HAPLN3: variants seen among roughly 807,000 people sequenced by gnomAD.
HAPLN3 encodes extracellular link domain containing, 1.
Under a neutral mutation model 28.1 loss-of-function variants are expected in HAPLN3, and 28 were observed. The observed-to-expected ratio is 1.00, with a 90% CI of 0.74 to 1.37. The LOEUF is 1.37. Ranked by LOEUF, HAPLN3 falls within the 40% of genes most tolerant of loss-of-function variation. The pLI is 0.00. For synonymous variants in HAPLN3, 211 were observed against 213.1 expected (o/e 0.99, Z 0.09); for missense variants, 513 against 504.6 (o/e 1.02, Z -0.16).
At chr15:88,894,658 G>C (rs1474151541) in intron 1 of HAPLN3, among the ~76,000 whole-genome samples, 1 of 152,192 alleles carries the variant, frequency 6.6e-6, no homozygotes, top group East Asian at 1.9e-4. Flanking sequence ...CCTACTCCAG[G>C]GAGCACAGGC....
At chr15:88,893,328 G>A (rs1056023727) in intron 1 of HAPLN3, among the ~76,000 whole-genome samples, 4 of 151,742 alleles carry the variant, frequency 2.6e-5, no homozygotes, top group African/African-American at 9.7e-5. Flanking sequence ...TAAGGCAGGA[G>A]AATTGTTTGA....
chr15:88,886,745 A>ATTCTCT (rs1897866816), intron 2 of HAPLN3, among the ~76,000 whole-genome samples: 1 of 152,190 alleles, frequency 6.6e-6, no homozygotes, highest in Non-Finnish European at 1.5e-5. Flanking sequence ...GAATCGCTTG[A>ATTCTCT]ACCCGGGAGG....
At position 88,881,446 on chromosome 15, in the gene HAPLN3, T is replaced by C; in HGVS notation, c.404A>G (p.Asp135Gly). The change falls in exon 3 of 5, where the codon GAT becomes GGT. Residue 135 changes from aspartate (D) to glycine (G), a missense_variant. Transcript: ENST00000359595. The surrounding 1 kb of genome is among the most constrained non-coding windows in gnomAD (Gnocchi z 6.0). ...ACGCCCATAGTCCTCCAGCCGCAGA[T>C]CCTGGATCTCCAGCGAGACGTCATG... is the stretch of plus-strand genomic sequence containing the variant. ...KEHDVSLEIQ[D>G]LRLEDYGRYR... 6.2e-7 allele frequency: 1 copy of C among 1,614,052 alleles called. No homozygotes were observed. The highest frequency in any genetic ancestry group is 8.5e-7 in the Non-Finnish European group (1 of 1,180,036).
rs148940245 is a variant in HAPLN3, at chr15:88,881,627, C to T, written c.223G>A (p.Glu75Lys). 1.1e-5 allele frequency: 17 copies of T among 1,613,888 alleles called. No homozygotes were observed. The highest frequency in any genetic ancestry group is 8.9e-5 in the East Asian group (4 of 44,894). The part of the protein sequence containing the change: ...SVILPCRYRY[E>K]PALVSPRRVR... ...CGCCGCGGGGAGACCAGGGCCGGCT[C>T]GTAGCGGTAGCGGCAGGGCAGGATC... is the stretch of plus-strand genomic sequence containing the variant. The change falls in exon 3 of 5, where the codon GAG becomes AAG. Residue 75 changes from glutamate to lysine, a missense_variant. By Grantham distance (56) the Glu-to-Lys change is moderately conservative. Transcript: ENST00000359595. The surrounding 1 kb of genome is among the most constrained non-coding windows in gnomAD (Gnocchi z 6.0).
In HAPLN3 at chr15:88,878,262, G is replaced by T. The variant is rs745932097; in HGVS notation, c.797-6C>A. The T allele has an allele frequency of 1.2e-6, 2 of 1,607,880 alleles. No homozygotes were observed. Among genetic ancestry groups the T allele is most frequent in the Non-Finnish European group, 1.7e-6 (2 of 1,176,442 alleles). On this transcript the variant is annotated splice_region_variant and splice_polypyrimidine_tract_variant and intron_variant, in intron 4 of 4. Coordinates refer to ENST00000359595, the MANE Select transcript of HAPLN3 (RefSeq NM_178232.4). ...CTCCAGGTAGTACACCCGCCCTGGG[G>T]GAAAGGGGGCGTGAGTGCCGTACAG...
intron 2 of HAPLN3, among the ~76,000 whole-genome samples, chr15:88,886,180 A>G (rs913875543): frequency 6.7e-6 from 1 of 148,456 alleles, no homozygotes; most frequent in Admixed American, 6.7e-5. Flanking sequence ...AGAAACCCCC[A>G]TTTCTACTAA....
In HAPLN3 at chr15:88,895,243, C is replaced by A. The variant is rs529601905; in HGVS notation, c.-48+216G>T. On this transcript the variant is annotated intron_variant, in intron 1 of 4. Transcript: ENST00000359595. The surrounding 1 kb of genome is among the most constrained non-coding windows in gnomAD (Gnocchi z 5.5). ...GGCACGAGGGTCCGGCGCCCGCATC[C>A]CCGCGCCGCTCCCTCCCCACTTGTG... Among the ~76,000 whole-genome samples the A allele has an allele frequency of 6.6e-6, 1 of 152,230 alleles. No homozygotes were observed. Among genetic ancestry groups the A allele is most frequent in the Non-Finnish European group, 1.5e-5 (1 of 67,984 alleles).
chr15:88,893,523 C>G (rs1211521458), intron 1 of HAPLN3, among the ~76,000 whole-genome samples: 3 of 152,118 alleles, frequency 2.0e-5, no homozygotes, highest in Non-Finnish European at 4.4e-5. Context: ...ATTTCAGGCT[C>G]TAGAAGCAGA....
intron 2 of HAPLN3, among the ~76,000 whole-genome samples, chr15:88,884,146 A>G (rs184921767): frequency 6.6e-6 from 1 of 152,320 alleles, no homozygotes; most frequent in East Asian, 1.9e-4. Flanking sequence ...TGGGGGGATT[A>G]TATATGACTT....
At position 88,886,058 on chromosome 15, in the gene HAPLN3, G is replaced by A. The variant is rs1228109497; in HGVS notation, c.124+1117C>T. On this transcript the variant is annotated intron_variant, in intron 2 of 4. Coordinates refer to ENST00000359595, the MANE Select transcript of HAPLN3 (RefSeq NM_178232.4). The stretch of plus-strand genomic sequence containing the variant: ...CCGTGCTGCACTAATGGTTAAAAAT[G>A]TGTATTTTCGGCAAGGCTCGTTGGC... 2.0e-5 allele frequency among the ~76,000 whole-genome samples: 3 copies of A among 152,158 alleles called. No individual in the cohort carries two copies. The East Asian group carries it at 5.8e-4, about 29-fold the overall frequency.
chr15:88,889,522 G>C (rs1426152143), intron 1 of HAPLN3, among the ~76,000 whole-genome samples: 1 of 152,198 alleles, frequency 6.6e-6, no homozygotes, highest in Admixed American at 6.5e-5. Flanking sequence ...TTTTTGTAGA[G>C]ACGGGGTTTC....
chr15:88,886,447 C>T (rs775622653), intron 2 of HAPLN3, among the ~76,000 whole-genome samples: 23 of 152,038 alleles, frequency 1.5e-4, no homozygotes, highest in Non-Finnish European at 1.8e-4. Flanking sequence ...GAAGCGCGCC[C>T]AACCCATGTT....
chr15:88,894,897 C>T (rs776786196), intron 1 of HAPLN3, among the ~76,000 whole-genome samples: 9 of 152,204 alleles, frequency 5.9e-5, no homozygotes, highest in Non-Finnish European at 1.0e-4. Context: ...GCAAGAACCC[C>T]GGTGAGCGAG....
Position 88,881,090 on chromosome 15 carries a change from G to A in HAPLN3, c.493+267C>T. 1.9e-6 allele frequency: 1 copy of A among 513,672 alleles called. No individual in the cohort carries two copies. Among genetic ancestry groups the A allele is most frequent in the East Asian group, 3.4e-5 (1 of 29,432 alleles). 31.8% of individuals were successfully genotyped at this position (513,672 alleles called of 1,614,324 possible). A position where few individuals can be genotyped will look rare whatever the true frequency, so the allele number is the denominator to read the frequency against. Reference sequence around the variant, plus strand: ...GAGATGTGAATTACAGCGGGTAGAGGGGAACAGATTCTAGAGGCTGGGTGC... The same window carrying A: ...GAGATGTGAATTACAGCGGGTAGAGAGGAACAGATTCTAGAGGCTGGGTGC... On this transcript the variant is annotated intron_variant, in intron 3 of 4. Coordinates refer to ENST00000359595, the MANE Select transcript of HAPLN3 (RefSeq NM_178232.4). The surrounding 1 kb of genome is among the most constrained non-coding windows in gnomAD (Gnocchi z 6.0).
chr15:88,889,327 A>G (rs1897948248), intron 1 of HAPLN3, among the ~76,000 whole-genome samples: 1 of 151,480 alleles, frequency 6.6e-6, no homozygotes, highest in Non-Finnish European at 1.5e-5. Context: ...TCAGGCCCAG[A>G]AGCATATCCT....
chr15:88,887,269 G>C lies in HAPLN3; in HGVS notation c.30C>G (p.Leu10=). 6.2e-7 allele frequency: 1 copy of C among 1,614,134 alleles called. No individual in the cohort carries two copies. The highest frequency in any genetic ancestry group is 8.5e-7 in the Non-Finnish European group (1 of 1,179,992). The change falls in exon 2 of 5, where the codon CTC becomes CTG. Residue 10 remains leucine (L), a synonymous_variant. Coordinates refer to ENST00000359595, the MANE Select transcript of HAPLN3 (RefSeq NM_178232.4). ...GCAGTCCGTAGGAGCCGGGCAGCAG[G>C]AGCAACGGGACCAGGAGCAACAGGC... MGLLLLVPL[L]LLPGSYGLPF...
At chr15:88,893,377 C>T (rs1214143618) in intron 1 of HAPLN3, among the ~76,000 whole-genome samples, 8 of 151,558 alleles carry the variant, frequency 5.3e-5, no homozygotes, top group African/African-American at 1.9e-4. Flanking sequence ...AAGACCACAC[C>T]ACTGCACTCC....
Position 88,881,369 on chromosome 15 carries a change from G to A in HAPLN3, c.481C>T (p.Leu161=). 6.2e-7 allele frequency: 1 copy of A among 1,611,942 alleles called. No homozygotes were observed. Among genetic ancestry groups the A allele is most frequent in the African/African-American group, 1.3e-5 (1 of 75,028 alleles). Residue 161 remains leucine (L), a synonymous_variant, in exon 3 of 5, where the codon CTG becomes TTG. Coordinates refer to ENST00000359595, the MANE Select transcript of HAPLN3 (RefSeq NM_178232.4). This position sits in a 1 kb window ranked among gnomAD's most constrained non-coding sequence, Gnocchi z 6.0. The part of the protein sequence containing the change: ...GLEDESGLVE[L]ELRGVVFPYQ... The stretch of plus-strand genomic sequence containing the variant: ...GTTAGCATCTCACCCCGCAGCTCCA[G>A]CTCCACCAGACCGCTTTCATCCTCC...
chr15:88,883,434 A>C lies in HAPLN3; in HGVS notation c.125-1709T>G, dbSNP rs192384964. On this transcript the variant is annotated intron_variant, in intron 2 of 4. Transcript: ENST00000359595. ...AGCTTCCCCATTTGTAGAATGGGTT[A>C]ATTACAGTCCCTACAGAGGGCTGTG... Among the ~76,000 whole-genome samples the C allele has an allele frequency of 3.6e-3, 552 of 152,368 alleles. 26 individuals are homozygous for C. The South Asian group carries it at 0.093, about 26-fold the overall frequency.
Sources: gnomAD v4.1 joint callset for allele counts (sites outside exome capture counted in the v4.1 genomes callset) on GRCh38, gnomAD v4.1.1 for gene constraint, Gnocchi (gnomAD v3.1) non-coding constraint, MANE v1.5 for transcripts, NCBI Gene and HGNC (gene_info 2026-07-23, HGNC 2026-07-21) for gene names.